The following TEDC1 variants were observed in gnomAD, a reference collection of about 807,000 sequenced individuals.
TEDC1 encodes tubulin epsilon and delta complex 1, also known as tubulin epsilon and delta complex protein 1.
Under a neutral mutation model 59.9 loss-of-function variants are expected in TEDC1, and 54 were observed. That is an observed-to-expected ratio of 0.90 (90% confidence interval 0.72 to 1.13). The LOEUF (loss-of-function observed/expected upper bound fraction) is 1.13, where lower values mean the gene tolerates loss of function less well. Among genes scored for constraint, TEDC1 ranks in the 50% most tolerant of loss-of-function variants. TEDC1 has a pLI of 0.00. For missense variants in TEDC1, 734 were observed against 683.4 expected, an observed-to-expected ratio of 1.07 and a Z score of -0.83; for synonymous variants, 353 against 298.1, an observed-to-expected ratio of 1.18 and a Z score of -1.90.
In TEDC1 at chr14:105,492,564, C is replaced by T; in HGVS notation, c.430-15C>T. On this transcript the variant is annotated splice_polypyrimidine_tract_variant and intron_variant, in intron 3 of 8. Transcript: ENST00000392523. Reference sequence around the variant, plus strand: ...GGTGGGGTGGGAGCAGGGCCTGACCCTTGCCCCTCTCCAGTGTGAGGCCCT... The same window carrying T: ...GGTGGGGTGGGAGCAGGGCCTGACCTTTGCCCCTCTCCAGTGTGAGGCCCT... 1 of 1,536,096 alleles carries T rather than the reference C, an allele frequency of 6.5e-7. No individual in the cohort carries two copies. The highest frequency in any genetic ancestry group is 8.7e-7 in the Non-Finnish European group (1 of 1,146,236).
chr14:105,496,146 G>GGGGGGGGGGGGGGGGGGGGGCCCCCCC, intron 6 of TEDC1, 60 bp downstream of exon 6: 1 of 331,608 alleles, frequency 3.0e-6, no homozygotes. Flanking sequence ...GGGTGGGAGG[G>GGGGGGGGGGGGGGGGGGGGGCCCCCCC]GGTGGCGAGG....
chr14:105,496,159 G>GGGGGGGGGT, intron 6 of TEDC1, 73 bp downstream of exon 6: 1 of 1,109,156 alleles, frequency 9.0e-7, no homozygotes. Flanking sequence ...TGGCGAGGGG[G>GGGGGGGGGT]TGTGTTTGCT....
At chr14:105,490,928 C>A, upstream of TEDC1, 1 of 1,137,132 alleles carries the variant, frequency 8.8e-7, no homozygotes, top group South Asian at 1.3e-5. Flanking sequence ...TGTCGGGTGT[C>A]GTGACGATTG....
At chr14:105,494,021 C>A in intron 5 of TEDC1, 88 bp downstream of exon 5, 3 of 283,010 alleles carry the variant, frequency 1.1e-5, no homozygotes, top group Admixed American at 5.0e-5. Context: ...GGCCTGGGGG[C>A]GGGGCAGCTC....
At position 105,498,488 on chromosome 14, in the gene TEDC1, C is replaced by T. The variant is rs782285914; in HGVS notation, c.1159-129C>T. 9.6e-6 allele frequency: 10 copies of T among 1,041,412 alleles called. 1 individual carries two copies. The highest frequency in any genetic ancestry group is 6.8e-5 in the South Asian group (4 of 58,554). The allele number at this position is 1,041,412 out of a possible 1,614,324, so 64.5% of individuals were successfully genotyped here. On this transcript the variant is annotated intron_variant, in intron 8 of 8. Coordinates refer to ENST00000392523, the MANE Select transcript of TEDC1 (RefSeq NM_001367178.1). Reference sequence around the variant, plus strand: ...TCCCCTTAAAATTTTCAGTAAGCCTCTCTGAAGAGCATGGGCGTTTCCCGC... The same window carrying T: ...TCCCCTTAAAATTTTCAGTAAGCCTTTCTGAAGAGCATGGGCGTTTCCCGC...
Position 105,498,928 on chromosome 14 carries a change from C to A in TEDC1, c.1470C>A (p.Ile490=). 1 of 1,605,986 alleles carries A rather than the reference C, an allele frequency of 6.2e-7. No individual in the cohort carries two copies. The change falls in exon 9 of 9, where the codon ATC becomes ATA. Residue 490 remains isoleucine, a synonymous_variant. Transcript: ENST00000392523. Reference sequence around the variant, plus strand: ...GAGCCCGCCCTGGTCTCATCTGGATCCCGCCACCTGGACGCTGAGGGCCTG... The same window carrying A: ...GAGCCCGCCCTGGTCTCATCTGGATACCGCCACCTGGACGCTGAGGGCCTG... ...LVGARPGLIW[I]PPPGR
intron 4 of TEDC1, among the ~76,000 whole-genome samples, chr14:105,493,468 G>T (rs920167649): frequency 6.6e-6 from 1 of 152,068 alleles, no homozygotes; most frequent in Admixed American, 6.5e-5. Context: ...CCAAGCAGTC[G>T]TTCATGTCCC....
rs1555441059 is a variant in TEDC1 at position 105,498,781 on chromosome 14, AG to A, written c.1327del (p.Asp443ThrfsTer9). The A allele has an allele frequency of 1.3e-6, 2 of 1,576,184 alleles. No homozygotes were observed. The highest frequency in any genetic ancestry group is 1.3e-5 in the African/African-American group (1 of 74,482). ...RLVRREDGAA[G>X]DRDLRAAVVI... ...TGGTGAGACGAGAGGATGGGGCAGC[AG>A]GGGACCGGGACCTGCGGGCAGCTGT... is the stretch of plus-strand genomic sequence containing the variant. On this transcript the variant is annotated frameshift_variant, in exon 9 of 9. Coordinates refer to ENST00000392523, the MANE Select transcript of TEDC1 (RefSeq NM_001367178.1). LOFTEE classifies it high-confidence loss of function.
chr14:105,491,535 C>G lies in TEDC1; in HGVS notation c.147+13C>G. 6.6e-7 allele frequency: 1 copy of G among 1,525,978 alleles called. No homozygotes were observed. Among genetic ancestry groups the G allele is most frequent in the Non-Finnish European group, 8.8e-7 (1 of 1,134,994 alleles). The allele number at this position is 1,525,978 out of a possible 1,614,324, so 94.5% of individuals were successfully genotyped here. A position where few individuals can be genotyped will look rare whatever the true frequency, so the allele number is the denominator to read the frequency against. ...CCGTCCGGAGGCGGTGACGCTCTCG[C>G]GGAGGGCAGGCGGGCCGGGTGGGGT... On this transcript the variant is annotated intron_variant, in intron 1 of 8. Coordinates refer to ENST00000392523, the MANE Select transcript of TEDC1 (RefSeq NM_001367178.1).
chr14:105,492,163 G>T lies in TEDC1; in HGVS notation c.283G>T (p.Ala95Ser). 1 of 1,612,998 alleles carries T rather than the reference G, an allele frequency of 6.2e-7. No individual in the cohort carries two copies. The highest frequency in any genetic ancestry group is 8.5e-7 in the Non-Finnish European group (1 of 1,179,886). The change falls in exon 3 of 9, where the codon GCA (alanine) becomes TCA (serine). Residue 95 changes from alanine (A) to serine (S), a missense_variant. Ala to Ser is a moderately conservative substitution (Grantham distance 99). Transcript: ENST00000392523. ...ALCSQGYPRLALAQLPEDGSQ... is the reference protein window; with the variant it reads ...ALCSQGYPRLSLAQLPEDGSQ... ...ATGCTCCCAGGGCTACCCGAGGCTG[G>T]CACTGGCACAACTACCTGAGGATGG...
rs1409869009 is a variant in TEDC1, at chr14:105,498,976, G to A, written c.*30G>A. ...CTGTCGACGGGCCCTCGTGTGGGAA[G>A]CCTGCCCTGGCCCAGCCTGGCTGGG... On this transcript the variant is annotated 3_prime_UTR_variant, in exon 9 of 9. Coordinates refer to ENST00000392523, the MANE Select transcript of TEDC1 (RefSeq NM_001367178.1). 1 of 1,562,554 alleles carries A rather than the reference G, an allele frequency of 6.4e-7. No homozygotes were observed. Among genetic ancestry groups the A allele is most frequent in the African/African-American group, 1.4e-5 (1 of 73,992 alleles).
At chr14:105,490,933 C>A (rs1180245976), upstream of TEDC1, 21 of 1,184,030 alleles carry the variant, frequency 1.8e-5, no homozygotes, top group Middle Eastern at 1.9e-4. Context: ...GGTGTCGTGA[C>A]GATTGAGCCT....
Position 105,493,719 on chromosome 14 carries a change from C to G in TEDC1, c.586-116C>G, listed in dbSNP as rs375074556. On this transcript the variant is annotated intron_variant, in intron 4 of 8. Coordinates refer to ENST00000392523, the MANE Select transcript of TEDC1 (RefSeq NM_001367178.1). The stretch of plus-strand genomic sequence containing the variant: ...CAAGGAGTGGCTTTCTCTGAGCCCT[C>G]TTTCCTCATCTGGGAGGTGGGCTCT... 2.8e-5 allele frequency: 20 copies of G among 726,102 alleles called. No individual in the cohort carries two copies. The East Asian group carries it at 5.5e-4, about 20-fold the overall frequency. 45.0% of individuals were successfully genotyped at this position (726,102 alleles called of 1,614,324 possible).
At chr14:105,491,169 C>A (rs1044595545), upstream of TEDC1, 4 of 1,550,266 alleles carry the variant, frequency 2.6e-6, no homozygotes, top group African/African-American at 2.7e-5. Context: ...AGGTCTCGGC[C>A]AGCGCGGTGA....
chr14:105,490,896 G>T (rs1336739318), upstream of TEDC1: 2 of 923,514 alleles, frequency 2.2e-6, no homozygotes, highest in Non-Finnish European at 3.4e-6. Context: ...GCGCTGATGG[G>T]TGGGGTCTGA....
chr14:105,492,996 C>G (rs1184295694), intron 4 of TEDC1, among the ~76,000 whole-genome samples: 2 of 152,084 alleles, frequency 1.3e-5, no homozygotes, highest in Non-Finnish European at 2.9e-5. Flanking sequence ...CCTTTCTGTT[C>G]CCAAAAGTTA....
chr14:105,496,147 G>GGGGGGGCGCCCCCCCC, intron 6 of TEDC1, 61 bp downstream of exon 6: 1 of 591,776 alleles, frequency 1.7e-6, no homozygotes, highest in Non-Finnish European at 2.7e-6. Flanking sequence ...GGTGGGAGGG[G>GGGGGGGCGCCCCCCCC]GTGGCGAGGG....
rs1595473222 is a variant in TEDC1 at position 105,493,930 on chromosome 14, G to A, written c.681G>A (p.Gln227=). Reference sequence around the variant, plus strand: ...TGCTCAGGGACCCAGAGGGAGGCCAGCAGGTGAGGGCGGGCAAGCTGCTGC... The same window carrying A: ...TGCTCAGGGACCCAGAGGGAGGCCAACAGGTGAGGGCGGGCAAGCTGCTGC... ...AEMLRDPEGG[Q]QVSGAGAAQN... Residue 227 remains glutamine, a synonymous_variant, in exon 5 of 9, where the codon CAG becomes CAA. Coordinates refer to ENST00000392523, the MANE Select transcript of TEDC1 (RefSeq NM_001367178.1). 2.5e-6 allele frequency: 4 copies of A among 1,582,738 alleles called. No homozygotes were observed. Among genetic ancestry groups the A allele is most frequent in the East Asian group, 2.2e-5 (1 of 44,596 alleles).
At chr14:105,497,271 G>A (rs1306492635) in intron 6 of TEDC1, 86 bp from the exon 7 acceptor site, 2 of 1,333,970 alleles carry the variant, frequency 1.5e-6, no homozygotes, top group South Asian at 1.3e-5. Flanking sequence ...TGGGCCGGGT[G>A]TCGGCGCTGG....
Sources: allele counts gnomAD v4.1 joint callset (sites outside exome capture counted in the v4.1 genomes callset), GRCh38; gene constraint gnomAD v4.1.1; transcripts MANE v1.5; gene names NCBI Gene and HGNC (gene_info 2026-07-23, HGNC 2026-07-21).